Variants in ANKRD33B observed in about 807,000 individuals in gnomAD.
The protein encoded by ANKRD33B is ankyrin repeat domain-containing protein 33B.
A neutral mutation model predicts 21.5 loss-of-function variants in ANKRD33B; 6 were observed. The observed-to-expected ratio is 0.28, with a 90% CI of 0.15 to 0.55. The LOEUF is 0.55. ANKRD33B is among the 20% of genes least tolerant of loss of function. The pLI is 0.94. For synonymous variants in ANKRD33B, 347 were observed against 342.4 expected (o/e 1.01, Z -0.15); for missense variants, 698 against 747.2 (o/e 0.93, Z 0.77).
In ANKRD33B at chr5:10,572,210, A is replaced by G. The variant is rs112553427; in HGVS notation, c.366+7377A>G. Among the ~76,000 whole-genome samples the G allele has an allele frequency of 7.6e-3, 1,156 of 151,840 alleles. 20 individuals carry two copies. The highest frequency in any genetic ancestry group is 0.027 in the African/African-American group (1,099 of 41,418). On this transcript the variant is annotated intron_variant, in intron 1 of 3. Transcript: ENST00000296657. ...GGCCAGGGCATCAGTATTTTCTAAA[A>G]CTCCCAGAGTCATTTCAATGTGCAG...
chr5:10,585,871 C>T (rs1380204078), intron 1 of ANKRD33B, among the ~76,000 whole-genome samples: 1 of 152,210 alleles, frequency 6.6e-6, no homozygotes, highest in Non-Finnish European at 1.5e-5. Context: ...CCTCTCTGTC[C>T]TCACCTGAAG....
chr5:10,649,427 C>T lies in ANKRD33B; in HGVS notation c.799C>T (p.Pro267Ser), dbSNP rs1429578218. The change falls in exon 4 of 4, where the codon CCT (proline) becomes TCT (serine). Residue 267 changes from proline to serine, a missense_variant. Physicochemically the swap from Pro to Ser is moderately conservative, Grantham distance 74. Coordinates refer to ENST00000296657, the MANE Select transcript of ANKRD33B (RefSeq NM_001164440.2). Reference protein sequence around the residue: ...EKYRPELPPPPEAARKPAGSK... With the variant: ...EKYRPELPPPSEAARKPAGSK... Reference sequence around the variant, plus strand: ...GTACCGGCCCGAGCTGCCGCCGCCCCCTGAAGCGGCGCGGAAGCCCGCGGG... The same window carrying T: ...GTACCGGCCCGAGCTGCCGCCGCCCTCTGAAGCGGCGCGGAAGCCCGCGGG... 6.5e-7 allele frequency: 1 copy of T among 1,535,418 alleles called. No homozygotes were observed. Among genetic ancestry groups the T allele is most frequent in the East Asian group, 2.4e-5 (1 of 40,906 alleles).
At chr5:10,604,448 C>T (rs1015072273) in intron 1 of ANKRD33B, among the ~76,000 whole-genome samples, 2 of 150,512 alleles carry the variant, frequency 1.3e-5, no homozygotes, top group Non-Finnish European at 3.0e-5. Context: ...CCACCTCAGC[C>T]TCCTAAAGTG....
rs577951226 is a variant in ANKRD33B, at chr5:10,564,979, T to A, written c.366+146T>A. On this transcript the variant is annotated intron_variant, in intron 1 of 3. Coordinates refer to ENST00000296657, the MANE Select transcript of ANKRD33B (RefSeq NM_001164440.2). Reference sequence around the variant, plus strand: ...GCCCAGAGCGCCTTTTCCCCGCTGTTTGGGAGCGCGGTGCCCTGGGTGGCT... The same window carrying A: ...GCCCAGAGCGCCTTTTCCCCGCTGTATGGGAGCGCGGTGCCCTGGGTGGCT... 15 of 1,201,338 alleles carry A rather than the reference T, an allele frequency of 1.2e-5. No individual in the cohort carries two copies. In the East Asian group the frequency reaches 3.7e-4, roughly 29 times the overall value. The allele number at this position is 1,201,338 out of a possible 1,614,324, so 74.4% of individuals were successfully genotyped here.
chr5:10,608,791 T>C (rs1423689030), intron 1 of ANKRD33B, among the ~76,000 whole-genome samples: 1 of 152,178 alleles, frequency 6.6e-6, no homozygotes, highest in African/African-American at 2.4e-5. Context: ...ATAATATGAC[T>C]GCATCGAAAC....
At chr5:10,575,576 G>C (rs1735303697) in intron 1 of ANKRD33B, among the ~76,000 whole-genome samples, 1 of 152,100 alleles carries the variant, frequency 6.6e-6, no homozygotes, top group African/African-American at 2.4e-5. Flanking sequence ...ATTTAAGTTG[G>C]AGAGCTTTCT....
At chr5:10,635,693 G>T (rs1469413604) in intron 2 of ANKRD33B, among the ~76,000 whole-genome samples, 2 of 152,188 alleles carry the variant, frequency 1.3e-5, no homozygotes, top group Non-Finnish European at 2.9e-5. Flanking sequence ...TCTTCTTTTG[G>T]ATTGATGAAG....
rs1358562200 is a variant in ANKRD33B, at chr5:10,564,808, C to G, written c.341C>G (p.Ala114Gly). The change falls in exon 1 of 4, where the codon GCG (alanine) becomes GGG (glycine). Residue 114 changes from alanine to glycine, a missense_variant. Coordinates refer to ENST00000296657, the MANE Select transcript of ANKRD33B (RefSeq NM_001164440.2). ...LVRRGVSVEEAQETDRNGRTG... is the reference protein window; with the variant it reads ...LVRRGVSVEEGQETDRNGRTG... ...CGGCGCGGGGTGAGCGTCGAGGAGGCGCAGGAGACTGACCGCAACGGCAGG... is the reference window on the plus strand; with the variant it reads ...CGGCGCGGGGTGAGCGTCGAGGAGGGGCAGGAGACTGACCGCAACGGCAGG... The G allele has an allele frequency of 6.6e-7, 1 of 1,515,164 alleles. No individual in the cohort carries two copies. Among genetic ancestry groups the G allele is most frequent in the Non-Finnish European group, 8.8e-7 (1 of 1,133,496 alleles). 93.9% of individuals were successfully genotyped at this position (1,515,164 alleles called of 1,614,324 possible). A position where few individuals can be genotyped will look rare whatever the true frequency, so the allele number is the denominator to read the frequency against.
intron 1 of ANKRD33B, among the ~76,000 whole-genome samples, chr5:10,585,387 A>G (rs938312885): frequency 1.3e-5 from 2 of 152,220 alleles, no homozygotes; most frequent in South Asian, 2.1e-4. Flanking sequence ...GGACAAATCC[A>G]TATTTGGGAT....
chr5:10,626,270 G>A (rs921883203), intron 2 of ANKRD33B, among the ~76,000 whole-genome samples: 8 of 152,224 alleles, frequency 5.3e-5, no homozygotes, highest in Admixed American at 2.6e-4. Context: ...GAAGCAATGT[G>A]CAGACACACT....
At chr5:10,595,088 C>T (rs1579723201) in intron 1 of ANKRD33B, among the ~76,000 whole-genome samples, 2 of 152,216 alleles carry the variant, frequency 1.3e-5, no homozygotes, top group South Asian at 4.1e-4. Context: ...CTATCTCTAG[C>T]GAGTGTGCCC....
chr5:10,621,049 T>C (rs1457801345), intron 2 of ANKRD33B, among the ~76,000 whole-genome samples: 2 of 152,238 alleles, frequency 1.3e-5, no homozygotes, highest in African/African-American at 4.8e-5. Context: ...TCGTGTGTTC[T>C]ACTTCAATAA....
intron 1 of ANKRD33B, among the ~76,000 whole-genome samples, chr5:10,611,493 C>T (rs147819727): frequency 1.3e-5 from 2 of 152,246 alleles, no homozygotes; most frequent in East Asian, 1.9e-4. Flanking sequence ...GTGCATGGAA[C>T]GTTCCATGGG....
In ANKRD33B at chr5:10,654,738, G is replaced by C. The variant is rs779065877; in HGVS notation, c.*4625G>C. On this transcript the variant is annotated 3_prime_UTR_variant, in exon 4 of 4. Transcript: ENST00000296657. ...GGCTGATGAGAATACAGATAGGCCA[G>C]TCCTCGCTCTTCCCTCCAGAACCGG... The C allele has an allele frequency of 5.9e-5, 9 of 152,426 alleles. No homozygotes were observed. The highest frequency in any genetic ancestry group is 1.2e-4 in the Non-Finnish European group (8 of 68,074). The allele number at this position is 152,426 out of a possible 1,614,324, so 9.4% of individuals were successfully genotyped here. A position where few individuals can be genotyped will look rare whatever the true frequency, so the allele number is the denominator to read the frequency against.
rs540154148 is a variant in ANKRD33B at position 10,631,849 on chromosome 5, G to A, written c.497-6179G>A. Reference sequence around the variant, plus strand: ...ACTGCGCGTCCTCTGTGGACCTGCCGGACGCACTCCAAAGCCATGGCCAGT... The same window carrying A: ...ACTGCGCGTCCTCTGTGGACCTGCCAGACGCACTCCAAAGCCATGGCCAGT... On this transcript the variant is annotated intron_variant, in intron 2 of 3. Transcript: ENST00000296657. 4.6e-5 allele frequency among the ~76,000 whole-genome samples: 7 copies of A among 152,298 alleles called. No individual in the cohort carries two copies. In the South Asian group the frequency reaches 6.2e-4, roughly 14 times the overall value.
intron 1 of ANKRD33B, among the ~76,000 whole-genome samples, chr5:10,596,667 C>T (rs2126565405): frequency 6.6e-6 from 1 of 152,256 alleles, no homozygotes; most frequent in South Asian, 2.1e-4. Context: ...GTAAGACAGG[C>T]CAACATTTAA....
At position 10,656,125 on chromosome 5, in the gene ANKRD33B, C is replaced by T. The variant is rs186742577; in HGVS notation, c.*6012C>T. ...AACTTGTTTATGCGCTGGTATAACT[C>T]GAGTCAGCTGCTTATTTCTGTGCCC... On this transcript the variant is annotated 3_prime_UTR_variant, in exon 4 of 4. Transcript: ENST00000296657. The T allele has an allele frequency of 1.3e-5, 2 of 152,400 alleles. No homozygotes were observed. The highest frequency in any genetic ancestry group is 2.4e-5 in the African/African-American group (1 of 41,528). 9.4% of individuals were successfully genotyped at this position (152,400 alleles called of 1,614,324 possible).
At chr5:10,634,191 G>C (rs945285154) in intron 2 of ANKRD33B, among the ~76,000 whole-genome samples, 2 of 152,204 alleles carry the variant, frequency 1.3e-5, no homozygotes, top group Admixed American at 6.5e-5. Context: ...TGGCAGGCCT[G>C]GGCCTTGAAC....
At chr5:10,564,963 G>T in intron 1 of ANKRD33B, 130 bp downstream of exon 1, 1 of 1,294,904 alleles carries the variant, frequency 7.7e-7, no homozygotes, top group Non-Finnish European at 1.0e-6. Context: ...CGCCCAGAGC[G>T]CCTTTTCCCC....
Sources: allele counts gnomAD v4.1 joint callset (sites outside exome capture counted in the v4.1 genomes callset), GRCh38; gene constraint gnomAD v4.1.1; transcripts MANE v1.5; gene names NCBI Gene and HGNC (gene_info 2026-07-23, HGNC 2026-07-21).